Variants in FAM53A observed in about 807,000 individuals in gnomAD.
The protein encoded by FAM53A is protein FAM53A.
A neutral mutation model predicts 26.6 loss-of-function variants in FAM53A; 28 were observed. The observed-to-expected ratio is 1.05, with a 90% CI of 0.78 to 1.45. The LOEUF is 1.45. FAM53A is among the 40% of genes most tolerant of loss of function. The pLI, the probability that FAM53A is intolerant of heterozygous loss-of-function variation, is 0.00. For synonymous variants in FAM53A, 290 were observed against 253.1 expected, an observed-to-expected ratio of 1.15 and a Z score of -1.38; for missense variants, 650 against 575.8, an observed-to-expected ratio of 1.13 and a Z score of -1.32.
chr4:1,579,249 C>A, the FAM53A span, among the ~76,000 whole-genome samples: 1 of 150,854 alleles, frequency 6.6e-6, no homozygotes, highest in Non-Finnish European at 1.5e-5. Flanking sequence ...CAGCCAGAGC[C>A]CCGGCCCCCG....
At chr4:1,601,364 C>A in the FAM53A span, among the ~76,000 whole-genome samples, 2 of 113,158 alleles carry the variant, frequency 1.8e-5, 1 homozygote, top group Non-Finnish European at 4.3e-5. Context: ...GGACACACCA[C>A]CCTCAAGGGC....
chr4:1,677,294 G>A (rs757712014), intron 1 of FAM53A, among the ~76,000 whole-genome samples: 7 of 152,254 alleles, frequency 4.6e-5, no homozygotes, highest in Admixed American at 6.5e-5. Context: ...GGCTCATGGC[G>A]CACTCTGCAC....
rs1714429348 is a variant in FAM53A at position 1,668,795 on chromosome 4, A to G, written c.-54T>C. ...CCAACAGGCACTGGAGTCCTGGAAC[A>G]TCAGACTTGCGAAGGCCCCAGCATT... On this transcript the variant is annotated 5_prime_UTR_variant, in exon 2 of 5. The change abolishes an upstream ATG in the 5' untranslated region. Transcript: ENST00000308132. 1.3e-6 allele frequency: 2 copies of G among 1,574,842 alleles called. No homozygotes were observed. Among genetic ancestry groups the G allele is most frequent in the Non-Finnish European group, 1.7e-6 (2 of 1,145,962 alleles).
chr4:1,602,610 C>T, the FAM53A span, among the ~76,000 whole-genome samples: 1 of 152,218 alleles, frequency 6.6e-6, no homozygotes, highest in Non-Finnish European at 1.5e-5. Flanking sequence ...AATTGACTCG[C>T]TTCAAAGCTG....
chr4:1,675,010 T>C (rs907684739), intron 1 of FAM53A, among the ~76,000 whole-genome samples: 3 of 150,500 alleles, frequency 2.0e-5, no homozygotes, highest in Non-Finnish European at 2.9e-5. Context: ...ATGGTGGCAG[T>C]GAGAAGGATG....
chr4:1,582,637 C>G, the FAM53A span, among the ~76,000 whole-genome samples: 1 of 152,194 alleles, frequency 6.6e-6, no homozygotes, highest in Non-Finnish European at 1.5e-5. Context: ...GGGAGGAGCT[C>G]TTGAGCCCAG....
At chr4:1,616,263 G>A (rs1714807332), downstream of FAM53A, among the ~76,000 whole-genome samples, 1 of 152,220 alleles carries the variant, frequency 6.6e-6, no homozygotes, top group Non-Finnish European at 1.5e-5. Flanking sequence ...CACTGCTGAT[G>A]AAGACAGTGC....
chr4:1,640,767 G>A lies in FAM53A; in HGVS notation c.*526C>T, dbSNP rs1285146467. On this transcript the variant is annotated 3_prime_UTR_variant, in exon 5 of 5. Transcript: ENST00000308132. ...TACTCTGTGCCCCAGGGCAGGTGCC[G>A]GTGGCAGCCATGGCCCCGACCAGCT... 3 of 369,264 alleles carry A rather than the reference G, an allele frequency of 8.1e-6. No individual in the cohort carries two copies. The highest frequency in any genetic ancestry group is 1.1e-4 in the East Asian group (1 of 9,278). 22.9% of individuals were successfully genotyped at this position (369,264 alleles called of 1,614,324 possible). A position where few individuals can be genotyped will look rare whatever the true frequency, so the allele number is the denominator to read the frequency against.
the FAM53A span, among the ~76,000 whole-genome samples, chr4:1,581,256 CTT>C: frequency 5.3e-5 from 8 of 150,590 alleles, no homozygotes; most frequent in Middle Eastern, 6.9e-3. Flanking sequence ...CAGGGCCCCG[CTT>C]CCCACTCAGA....
chr4:1,635,041 T>C (rs556154040), downstream of FAM53A, among the ~76,000 whole-genome samples: 4 of 152,352 alleles, frequency 2.6e-5, no homozygotes, highest in East Asian at 7.7e-4. Context: ...TTTTTAGCAA[T>C]TTTTTCCAGG....
intron 2 of FAM53A, among the ~76,000 whole-genome samples, chr4:1,660,050 C>T (rs1227204040): frequency 5.3e-5 from 8 of 151,922 alleles, no homozygotes; most frequent in Non-Finnish European, 7.4e-5. Context: ...AATCCCAGCA[C>T]GGCGGGAGGA....
chr4:1,629,935 T>C (rs75516348), intron 1 of FAM53A, among the ~76,000 whole-genome samples: 1 of 152,110 alleles, frequency 6.6e-6, no homozygotes, highest in Non-Finnish European at 1.5e-5. Context: ...CTGTGGTTTA[T>C]TCAGATGGGC....
chr4:1,597,537 A>T, the FAM53A span, among the ~76,000 whole-genome samples: 1 of 152,084 alleles, frequency 6.6e-6, no homozygotes, highest in Non-Finnish European at 1.5e-5. Context: ...CCAGACCCCC[A>T]GCCCCTCCCT....
chr4:1,625,126 C>A (rs1715229778), intron 1 of FAM53A, among the ~76,000 whole-genome samples: 1 of 66,042 alleles, frequency 1.5e-5, no homozygotes, highest in African/African-American at 1.1e-4. Context: ...CCCACGTGGT[C>A]AGGGGTCACA....
At chr4:1,637,010 A>T (rs1413126388), downstream of FAM53A, among the ~76,000 whole-genome samples, 1 of 152,160 alleles carries the variant, frequency 6.6e-6, no homozygotes, top group Non-Finnish European at 1.5e-5. Context: ...GGCGAGCACG[A>T]GAACAAGGAG....
intron 1 of FAM53A, among the ~76,000 whole-genome samples, chr4:1,618,826 C>T (rs1357518439): frequency 1.3e-5 from 2 of 152,224 alleles, no homozygotes; most frequent in African/African-American, 2.4e-5. Flanking sequence ...AAGCCAGCCC[C>T]GACCCCCAGC....
chr4:1,613,625 G>A (rs991734701), downstream of FAM53A, among the ~76,000 whole-genome samples: 1 of 152,180 alleles, frequency 6.6e-6, no homozygotes, highest in Admixed American at 6.5e-5. Flanking sequence ...GTGTGTCACA[G>A]GCAAGCTGCA....
Position 1,684,278 on chromosome 4 carries a change from C to T in FAM53A, c.-210G>A, listed in dbSNP as rs1715658608. The stretch of plus-strand genomic sequence containing the variant: ...GCGGAGCGAGAAGACTGCCGGCCGC[C>T]CAGGCCCCGCTCGCTCAGGGCGACG... On this transcript the variant is annotated 5_prime_UTR_variant, in exon 1 of 5. Transcript: ENST00000308132. 6.6e-6 allele frequency: 1 copy of T among 151,058 alleles called. No homozygotes were observed. Among genetic ancestry groups the T allele is most frequent in the African/African-American group, 2.4e-5 (1 of 41,198 alleles). 9.4% of individuals were successfully genotyped at this position (151,058 alleles called of 1,614,324 possible).
Position 1,651,516 on chromosome 4 carries a change from G to C in FAM53A, c.882+3462C>G, listed in dbSNP as rs998435042. On this transcript the variant is annotated intron_variant, in intron 4 of 4. Transcript: ENST00000308132. ...CACTGCATTCCAGCCTGGGCAAAAA[G>C]AGCGAAATTCTGTCTTAAAAAAAAA... Among the ~76,000 whole-genome samples, 20 of 136,642 alleles carry C rather than the reference G, an allele frequency of 1.5e-4. No homozygotes were observed. The Admixed American group carries it at 1.6e-3, about 11-fold the overall frequency. The allele number at this position is 136,642 out of a possible 152,430, so 89.6% of individuals were successfully genotyped here.
Sources: allele counts gnomAD v4.1 joint callset (sites outside exome capture counted in the v4.1 genomes callset), GRCh38; gene constraint gnomAD v4.1.1; transcripts MANE v1.5; gene names NCBI Gene and HGNC (gene_info 2026-07-23, HGNC 2026-07-21).